Variants in SOX6 observed in about 807,000 individuals in gnomAD.
SOX6 encodes transcription factor SOX-6.
A neutral mutation model predicts 97.8 loss-of-function variants in SOX6; 11 were observed. The ratio of observed to expected loss-of-function variants is 0.11; its 90% CI spans 0.07 to 0.19. The LOEUF (loss-of-function observed/expected upper bound fraction) is 0.19, where lower values mean the gene tolerates loss of function less well. SOX6 is among the 10% of genes least tolerant of loss of function. The pLI is 1.00. For missense variants in SOX6, 810 were observed against 1,039.5 expected, an observed-to-expected ratio of 0.78 and a Z score of 3.04; for synonymous variants, 360 against 371.4, an observed-to-expected ratio of 0.97 and a Z score of 0.35.
intron 3 of SOX6, among the ~76,000 whole-genome samples, chr11:16,305,091 C>A (rs1244830817): frequency 2.0e-5 from 3 of 152,076 alleles, no homozygotes; most frequent in East Asian, 1.9e-4. Flanking sequence ...AAATTATAAA[C>A]TTTCATCTGT....
At position 16,511,735 on chromosome 11, in the gene SOX6, A is replaced by G. The variant is rs540358070; in HGVS notation, n.610-35347T>C. 9.2e-5 allele frequency among the ~76,000 whole-genome samples: 14 copies of G among 152,296 alleles called. No homozygotes were observed. In the East Asian group the frequency reaches 2.7e-3, roughly 29 times the overall value. ...CTCACAGTGTTTACCTTGAAATAAG[A>G]CTATTAAGCTACTGAAACTTAAAAG... On this transcript the variant is annotated intron_variant and non_coding_transcript_variant, in intron 4 of 5. Coordinates refer to the SOX6 transcript ENST00000524520.
chr11:16,089,028 G>A (rs1848629144), intron 9 of SOX6, among the ~76,000 whole-genome samples: 1 of 152,158 alleles, frequency 6.6e-6, no homozygotes, highest in East Asian at 1.9e-4. Context: ...ACATCAACCT[G>A]TAGCCTGTTG....
chr11:16,386,348 G>T (rs564074799), intron 1 of SOX6, among the ~76,000 whole-genome samples: 134 of 151,728 alleles, frequency 8.8e-4, no homozygotes, highest in African/African-American at 3.2e-3. Context: ...GGGGGCAGGT[G>T]GGGGGTGAAG....
intron 4 of SOX6, among the ~76,000 whole-genome samples, chr11:16,481,792 A>G (rs181301329): frequency 6.6e-6 from 1 of 152,292 alleles, no homozygotes; most frequent in East Asian, 1.9e-4. Flanking sequence ...AGTCCTAAAA[A>G]TTATTGAGGG....
intron 1 of SOX6, among the ~76,000 whole-genome samples, chr11:16,372,211 G>A (rs1436646765): frequency 6.6e-6 from 1 of 151,988 alleles, no homozygotes; most frequent in Admixed American, 6.6e-5. Flanking sequence ...GACTGTGAAA[G>A]CCAGGTAACT....
At chr11:16,280,191 C>T (rs932293482) in intron 3 of SOX6, among the ~76,000 whole-genome samples, 1 of 151,784 alleles carries the variant, frequency 6.6e-6, no homozygotes, top group African/African-American at 2.4e-5. Context: ...TCAGTTTTGT[C>T]GAAAATGCAG....
chr11:16,287,970 AAG>A (rs1173625490), intron 3 of SOX6, among the ~76,000 whole-genome samples: 1 of 152,156 alleles, frequency 6.6e-6, no homozygotes, highest in Non-Finnish European at 1.5e-5. Flanking sequence ...CCTTTGAAAA[AAG>A]AGAAGGGTGG....
Position 16,526,600 on chromosome 11 carries a change from T to A in SOX6, n.610-50212A>T, listed in dbSNP as rs190686964. 1.9e-3 allele frequency among the ~76,000 whole-genome samples: 282 copies of A among 151,332 alleles called. 5 individuals are homozygous for A. The East Asian group carries it at 0.023, about 13-fold the overall frequency. ...TATACATATGTAACTAACCTGCACA[T>A]TGTGCACATGTACCCTAAAACTTAA... On this transcript the variant is annotated intron_variant and non_coding_transcript_variant, in intron 4 of 5. Transcript: ENST00000524520.
At chr11:16,523,734 A>G (rs1179659141) in intron 4 of SOX6, among the ~76,000 whole-genome samples, 3 of 152,204 alleles carry the variant, frequency 2.0e-5, no homozygotes, top group Admixed American at 1.3e-4. Flanking sequence ...ATAGACCACT[A>G]GCAAGACTAA....
intron 6 of SOX6, among the ~76,000 whole-genome samples, chr11:16,150,970 G>A (rs1850444005): frequency 6.6e-6 from 1 of 151,966 alleles, no homozygotes; most frequent in African/African-American, 2.4e-5. Context: ...TCTTTTATTG[G>A]GAGGCTACAG....
intron 1 of SOX6, among the ~76,000 whole-genome samples, chr11:16,446,886 T>G (rs1371997490): frequency 1.3e-5 from 2 of 151,560 alleles, no homozygotes; most frequent in African/African-American, 4.8e-5. Context: ...CTTCCTTCCT[T>G]TCTTTGTTTC....
intron 1 of SOX6, among the ~76,000 whole-genome samples, chr11:16,398,661 T>A (rs1043800955): frequency 2.0e-5 from 3 of 151,172 alleles, no homozygotes; most frequent in Non-Finnish European, 3.0e-5. Flanking sequence ...TTACCCTAGA[T>A]TTTTTTTTCC....
chr11:16,007,699 C>T (rs1174207330), intron 13 of SOX6, among the ~76,000 whole-genome samples: 1 of 152,088 alleles, frequency 6.6e-6, no homozygotes, highest in South Asian at 2.1e-4. Context: ...AGTCAAGTGG[C>T]TCTTACTGCC....
intron 6 of SOX6, among the ~76,000 whole-genome samples, chr11:16,134,087 T>C (rs2134027477): frequency 6.6e-6 from 1 of 152,350 alleles, no homozygotes; most frequent in Admixed American, 6.5e-5. Flanking sequence ...TGCCAGGCAC[T>C]TTTTTAAGTG....
At chr11:16,360,104 G>T (rs1397670566), upstream of SOX6, among the ~76,000 whole-genome samples, 1 of 152,122 alleles carries the variant, frequency 6.6e-6, no homozygotes, top group Non-Finnish European at 1.5e-5. Context: ...TAGCTGCTTT[G>T]CACAGGCTAT....
chr11:16,087,913 G>T (rs1194463454), intron 9 of SOX6, among the ~76,000 whole-genome samples: 1 of 151,964 alleles, frequency 6.6e-6, no homozygotes, highest in East Asian at 1.9e-4. Context: ...TTTGCTGTGG[G>T]TGGCTGTTCT....
intron 6 of SOX6, among the ~76,000 whole-genome samples, chr11:16,145,925 T>C (rs891600103): frequency 5.9e-5 from 9 of 152,020 alleles, no homozygotes; most frequent in Admixed American, 2.0e-4. Context: ...GGCCATACTG[T>C]CCAAGGTAAT....
At chr11:16,187,516 C>T (rs1318637343) in intron 4 of SOX6, among the ~76,000 whole-genome samples, 1 of 152,050 alleles carries the variant, frequency 6.6e-6, no homozygotes, top group Non-Finnish European at 1.5e-5. Context: ...ATTAAAACTG[C>T]CTCAGGTGAG....
intron 6 of SOX6, among the ~76,000 whole-genome samples, chr11:16,129,308 T>A (rs1157806490): frequency 2.0e-5 from 3 of 152,164 alleles, no homozygotes; most frequent in Non-Finnish European, 2.9e-5. Flanking sequence ...CTGGCAAAAT[T>A]GATACAAAAT....
Sources: allele counts gnomAD v4.1 joint callset (sites outside exome capture counted in the v4.1 genomes callset), GRCh38; gene constraint gnomAD v4.1.1; transcripts MANE v1.5; gene names NCBI Gene and HGNC (gene_info 2026-07-23, HGNC 2026-07-21).